Variants in CPNE4 observed in about 807,000 individuals in gnomAD.
CPNE4 encodes copine-4.
In CPNE4, 25 loss-of-function variants were observed where a neutral mutation model predicts 67.9. The observed-to-expected ratio is 0.37, with a 90% confidence interval of 0.27 to 0.51. CPNE4 has a LOEUF of 0.51. Among genes scored for constraint, CPNE4 ranks in the 20% least tolerant of loss-of-function variants. CPNE4 has a pLI of 0.93. For synonymous variants in CPNE4, 242 were observed against 244.9 expected, an observed-to-expected ratio of 0.99 and a Z score of 0.11; for missense variants, 464 against 690.8, an observed-to-expected ratio of 0.67 and a Z score of 3.68.
chr3:131,757,891 C>A, intron 2 of CPNE4, among the ~76,000 whole-genome samples: 1 of 152,180 alleles, frequency 6.6e-6, no homozygotes, highest in East Asian at 1.9e-4. Flanking sequence ...GGTGGAAGCC[C>A]CAAGCCTTGG....
At chr3:131,798,766 C>T (rs1583216288) in intron 2 of CPNE4, among the ~76,000 whole-genome samples, 1 of 152,214 alleles carries the variant, frequency 6.6e-6, no homozygotes, top group East Asian at 1.9e-4. Flanking sequence ...ATCAAATAAT[C>T]AGCTGAATTA....
intron 1 of CPNE4, among the ~76,000 whole-genome samples, chr3:131,945,858 G>C (rs999309286): frequency 2.6e-5 from 4 of 152,172 alleles, no homozygotes; most frequent in African/African-American, 9.7e-5. Flanking sequence ...AAATGCTTTT[G>C]AAAGATTCCA....
intron 1 of CPNE4, among the ~76,000 whole-genome samples, chr3:131,951,531 A>T (rs1225015): frequency 0.69 from 104,701 of 151,422 alleles, 36,493 homozygotes; most frequent in Admixed American, 0.8. Flanking sequence ...CCTCTCCTTC[A>T]CCCTCTCCCC....
At chr3:131,625,578 T>C (rs189972529) in intron 7 of CPNE4, among the ~76,000 whole-genome samples, 21 of 152,022 alleles carry the variant, frequency 1.4e-4, no homozygotes, top group African/African-American at 4.1e-4. Context: ...GGAAAAAAAA[T>C]CTCTTCCAAA....
At chr3:131,700,230 G>T (rs957065312) in intron 3 of CPNE4, among the ~76,000 whole-genome samples, 5 of 151,656 alleles carry the variant, frequency 3.3e-5, no homozygotes, top group Admixed American at 2.0e-4. Context: ...GCAGTCAATT[G>T]GGAGGTGGCT....
chr3:131,847,131 A>T (rs1343253079), intron 2 of CPNE4, among the ~76,000 whole-genome samples: 1 of 152,174 alleles, frequency 6.6e-6, no homozygotes, highest in Non-Finnish European at 1.5e-5. Flanking sequence ...GGCTCCTCAC[A>T]GGTGTGTGTT....
At chr3:131,882,103 C>T (rs6800106) in intron 2 of CPNE4, among the ~76,000 whole-genome samples, 53,734 of 151,816 alleles carry the variant, frequency 0.35, 10,681 homozygotes, top group African/African-American at 0.53. Context: ...ACACTGACAA[C>T]CTAGAGATGC....
intron 1 of CPNE4, among the ~76,000 whole-genome samples, chr3:131,959,280 G>T (rs61793598): frequency 0.4 from 32,351 of 81,354 alleles, 7,299 homozygotes; most frequent in East Asian, 0.49. Context: ...GATTACAGGC[G>T]TGAGCCACCG....
chr3:131,916,317 C>T (rs185230876), intron 1 of CPNE4, among the ~76,000 whole-genome samples: 60 of 144,986 alleles, frequency 4.1e-4, no homozygotes, highest in African/African-American at 1.5e-3. Context: ...AGCTGGGGGG[C>T]TCACAACGTG....
At chr3:131,861,755 G>A (rs2086698116) in intron 2 of CPNE4, among the ~76,000 whole-genome samples, 1 of 152,082 alleles carries the variant, frequency 6.6e-6, no homozygotes, top group African/African-American at 2.4e-5. Flanking sequence ...TCTTTTTAAA[G>A]GAGAAATAAG....
At chr3:131,749,276 C>T (rs1197785438) in intron 2 of CPNE4, among the ~76,000 whole-genome samples, 1 of 152,048 alleles carries the variant, frequency 6.6e-6, no homozygotes, top group African/African-American at 2.4e-5. Flanking sequence ...TACGTTTCTG[C>T]TCTTGATTTC....
intron 1 of CPNE4, among the ~76,000 whole-genome samples, chr3:131,980,665 T>C (rs1053029152): frequency 6.6e-6 from 1 of 152,182 alleles, no homozygotes; most frequent in African/African-American, 2.4e-5. Flanking sequence ...CCTGATTAGC[T>C]TAATAACTAA....
intron 3 of CPNE4, among the ~76,000 whole-genome samples, chr3:131,714,590 A>G (rs2081638914): frequency 6.6e-6 from 1 of 152,166 alleles, no homozygotes; most frequent in Non-Finnish European, 1.5e-5. Context: ...TCCAAGATTC[A>G]TTAGCATCCT....
chr3:132,032,940 T>C (rs1444279146), intron 1 of CPNE4, among the ~76,000 whole-genome samples: 1 of 152,282 alleles, frequency 6.6e-6, no homozygotes, highest in East Asian at 1.9e-4. Context: ...AACCAGCATA[T>C]ACTAACTACA....
intron 3 of CPNE4, among the ~76,000 whole-genome samples, chr3:131,705,097 C>T (rs1175103941): frequency 6.8e-6 from 1 of 147,838 alleles, no homozygotes; most frequent in African/African-American, 2.5e-5. Context: ...CACTCTTCCT[C>T]CTCACTTGCT....
intron 2 of CPNE4, among the ~76,000 whole-genome samples, chr3:131,899,287 G>A (rs1188554347): frequency 4.6e-5 from 7 of 152,034 alleles, no homozygotes; most frequent in African/African-American, 1.7e-4. Flanking sequence ...TTGTTAAGGA[G>A]GGAAGATGCT....
At chr3:131,815,926 C>T (rs2084721472) in intron 2 of CPNE4, among the ~76,000 whole-genome samples, 1 of 152,130 alleles carries the variant, frequency 6.6e-6, no homozygotes, top group African/African-American at 2.4e-5. Context: ...CTTGTGTGTA[C>T]ACCCTCCTTA....
intron 2 of CPNE4, among the ~76,000 whole-genome samples, chr3:131,799,926 T>TGTGTG (rs1560339658): frequency 1.7e-4 from 6 of 35,580 alleles, no homozygotes; most frequent in African/African-American, 5.2e-4. Context: ...GTGTTGTGTG[T>TGTGTG]GTGTGTGTGT....
intron 1 of CPNE4, among the ~76,000 whole-genome samples, chr3:131,942,211 GTTTA>G (rs1357608478): frequency 6.6e-6 from 1 of 151,968 alleles, no homozygotes; most frequent in Non-Finnish European, 1.5e-5. Context: ...ACTGTCTCTT[GTTTA>G]TAAGGCACTT....
Sources: allele counts gnomAD v4.1 joint callset (sites outside exome capture counted in the v4.1 genomes callset), GRCh38; gene constraint gnomAD v4.1.1; transcripts MANE v1.5; gene names NCBI Gene and HGNC (gene_info 2026-07-23, HGNC 2026-07-21).